Variants in RAD51B observed in about 807,000 individuals in gnomAD.
RAD51B encodes RAD51 paralog B, also known as DNA repair protein RAD51 homolog 2.
RAD51B carries 38 observed loss-of-function variants against 42.2 expected under a neutral mutation model. The ratio of observed to expected loss-of-function variants is 0.90; its 90% CI spans 0.70 to 1.18. RAD51B has a LOEUF of 1.18. Among genes scored for constraint, RAD51B ranks in the 50% most tolerant of loss-of-function variants. RAD51B has a pLI of 0.00. For missense variants in RAD51B, 373 were observed against 400.7 expected (o/e 0.93, Z 0.59); for synonymous variants, 154 against 145.2 (o/e 1.06, Z -0.43).
chr14:68,159,919 T>G (rs2140816141), intron 7 of RAD51B, among the ~76,000 whole-genome samples: 1 of 152,314 alleles, frequency 6.6e-6, no homozygotes, highest in East Asian at 1.9e-4. Flanking sequence ...GGTAGCCATG[T>G]GAATTATTTC....
intron 10 of RAD51B, among the ~76,000 whole-genome samples, chr14:68,528,935 A>G (rs1037285234): frequency 1.3e-5 from 2 of 152,224 alleles, no homozygotes; most frequent in Admixed American, 6.5e-5. Flanking sequence ...TTAGTAAGTG[A>G]TAAGTCTGCA....
At chr14:68,312,920 T>C (rs986164098) in intron 8 of RAD51B, among the ~76,000 whole-genome samples, 2 of 152,198 alleles carry the variant, frequency 1.3e-5, no homozygotes, top group Non-Finnish European at 1.5e-5. Flanking sequence ...CAAAATACCT[T>C]CGTTTTACTA....
intron 7 of RAD51B, among the ~76,000 whole-genome samples, chr14:67,925,561 G>A (rs983147242): frequency 6.6e-6 from 1 of 152,146 alleles, no homozygotes; most frequent in African/African-American, 2.4e-5. Flanking sequence ...ATGAGCTACT[G>A]TGCTTGACCT....
chr14:67,985,424 C>G (rs1029308685), intron 7 of RAD51B, among the ~76,000 whole-genome samples: 3 of 152,130 alleles, frequency 2.0e-5, no homozygotes, highest in Non-Finnish European at 4.4e-5. Flanking sequence ...TGATCAAGTT[C>G]AATATACCAT....
intron 7 of RAD51B, among the ~76,000 whole-genome samples, chr14:67,996,159 G>T (rs1353508693): frequency 4.0e-5 from 6 of 151,734 alleles, no homozygotes; most frequent in Admixed American, 2.6e-4. Flanking sequence ...ACTTTGGGAG[G>T]CCGAGGTGGG....
At chr14:68,563,668 G>A in intron 10 of RAD51B, 6 of 985,454 alleles carry the variant, frequency 6.1e-6, no homozygotes, top group Non-Finnish European at 7.2e-6. Context: ...CGGGGGAAGG[G>A]CAGAAACCAA....
chr14:68,344,502 C>T (rs1046142862), intron 8 of RAD51B, among the ~76,000 whole-genome samples: 1 of 152,014 alleles, frequency 6.6e-6, no homozygotes, highest in Non-Finnish European at 1.5e-5. Flanking sequence ...AAAAAATTAG[C>T]ACGGCGTGGT....
intron 8 of RAD51B, among the ~76,000 whole-genome samples, chr14:68,315,157 G>A (rs2082030286): frequency 6.6e-6 from 1 of 152,204 alleles, no homozygotes; most frequent in Admixed American, 6.5e-5. Context: ...AGGGAAGAAG[G>A]AATGCATATT....
At chr14:67,844,498 C>A (rs2054455410) in intron 4 of RAD51B, among the ~76,000 whole-genome samples, 1 of 151,602 alleles carries the variant, frequency 6.6e-6, no homozygotes, top group South Asian at 2.1e-4. Context: ...TCTTTAAGAA[C>A]TTGCTTTATG....
At chr14:68,551,869 T>G (rs2140385216) in intron 10 of RAD51B, among the ~76,000 whole-genome samples, 1 of 152,314 alleles carries the variant, frequency 6.6e-6, no homozygotes, top group Middle Eastern at 3.4e-3. Flanking sequence ...AGGTAATAAA[T>G]GACAGAGCTG....
intron 10 of RAD51B, among the ~76,000 whole-genome samples, chr14:68,475,038 T>C (rs1882443180): frequency 6.6e-6 from 1 of 152,184 alleles, no homozygotes; most frequent in African/African-American, 2.4e-5. Flanking sequence ...TGGTTCAGCA[T>C]CATGCCCTCC....
At chr14:68,544,454 C>T (rs376301385) in intron 10 of RAD51B, among the ~76,000 whole-genome samples, 7 of 152,302 alleles carry the variant, frequency 4.6e-5, no homozygotes, top group East Asian at 1.9e-4. Flanking sequence ...CCAAGCCAAT[C>T]GTATCTGTTT....
intron 7 of RAD51B, among the ~76,000 whole-genome samples, chr14:68,124,330 C>T (rs2077711651): frequency 1.3e-5 from 2 of 152,174 alleles, no homozygotes; most frequent in Admixed American, 1.3e-4. Context: ...CTAATAGAGG[C>T]ACAATAGTAT....
intron 9 of RAD51B, among the ~76,000 whole-genome samples, chr14:68,458,107 A>G (rs2085749849): frequency 6.6e-6 from 1 of 152,188 alleles, no homozygotes; most frequent in Non-Finnish European, 1.5e-5. Flanking sequence ...AAAAAATAAG[A>G]TGGGTTGATA....
intron 1 of RAD51B, among the ~76,000 whole-genome samples, chr14:67,821,100 C>G (rs747978064): frequency 2.6e-5 from 4 of 152,224 alleles, no homozygotes; most frequent in Non-Finnish European, 5.9e-5. Context: ...GATTGTGACA[C>G]TGATCTGACT....
chr14:67,877,882 C>A (rs1359080298), intron 5 of RAD51B, among the ~76,000 whole-genome samples: 1 of 152,150 alleles, frequency 6.6e-6, no homozygotes, highest in Non-Finnish European at 1.5e-5. Flanking sequence ...CCAAACTGGT[C>A]TCAAACTCCT....
chr14:68,102,583 G>C (rs1231851241), intron 7 of RAD51B, among the ~76,000 whole-genome samples: 1 of 152,048 alleles, frequency 6.6e-6, no homozygotes, highest in East Asian at 1.9e-4. Context: ...CAGCATTTTG[G>C]TCAAAGCCAT....
At chr14:68,460,322 A>G (rs1167038508) in intron 9 of RAD51B, among the ~76,000 whole-genome samples, 1 of 152,064 alleles carries the variant, frequency 6.6e-6, no homozygotes, top group Non-Finnish European at 1.5e-5. Flanking sequence ...GTGTGGTGGC[A>G]GGTGCCTGTA....
chr14:67,995,512 G>A (rs933952593), intron 7 of RAD51B, among the ~76,000 whole-genome samples: 7 of 151,882 alleles, frequency 4.6e-5, no homozygotes, highest in Non-Finnish European at 2.9e-5. Flanking sequence ...ATTTATCCTT[G>A]CTCCTTCCAT....
Sources: gnomAD v4.1 joint callset for allele counts (sites outside exome capture counted in the v4.1 genomes callset) on GRCh38, gnomAD v4.1.1 for gene constraint, MANE v1.5 for transcripts, NCBI Gene and HGNC (gene_info 2026-07-23, HGNC 2026-07-21) for gene names.